GRID2: variants seen among roughly 807,000 people sequenced by gnomAD.
The protein encoded by GRID2 is glutamate receptor ionotropic, delta-2.
Under a neutral mutation model 114.8 loss-of-function variants are expected in GRID2, and 33 were observed. The observed-to-expected ratio is 0.29, with a 90% CI of 0.22 to 0.38. The LOEUF (loss-of-function observed/expected upper bound fraction) is 0.38, where lower values mean the gene tolerates loss of function less well. GRID2 is among the 10% of genes least tolerant of loss of function. The pLI is 1.00. For missense variants in GRID2, 1,184 were observed against 1,257.7 expected (o/e 0.94, Z 0.89); for synonymous variants, 505 against 449.9 (o/e 1.12, Z -1.55).
At chr4:93,368,557 AC>A (rs1305992842) in intron 8 of GRID2, among the ~76,000 whole-genome samples, 5 of 151,698 alleles carry the variant, frequency 3.3e-5, no homozygotes, top group African/African-American at 7.3e-5. Flanking sequence ...CCCCACTCCC[AC>A]CTCTCCCCAC....
intron 14 of GRID2, among the ~76,000 whole-genome samples, chr4:93,674,646 G>T (rs1199552195): frequency 6.6e-6 from 1 of 150,474 alleles, no homozygotes; most frequent in Admixed American, 6.6e-5. Flanking sequence ...AATATCATAA[G>T]GCCCAATAGG....
intron 14 of GRID2, among the ~76,000 whole-genome samples, chr4:93,723,259 A>G (rs55685186): frequency 0.022 from 3,329 of 152,364 alleles, 54 homozygotes; most frequent in Non-Finnish European, 0.036. Flanking sequence ...TCATTTAAGA[A>G]TATTAGTATT....
At chr4:93,688,437 T>A (rs1454940387) in intron 14 of GRID2, among the ~76,000 whole-genome samples, 1 of 152,012 alleles carries the variant, frequency 6.6e-6, no homozygotes, top group Non-Finnish European at 1.5e-5. Context: ...TGGATCTTTA[T>A]AATAACCTTG....
intron 13 of GRID2, among the ~76,000 whole-genome samples, chr4:93,568,774 G>A (rs1735669593): frequency 6.6e-6 from 1 of 152,126 alleles, no homozygotes; most frequent in African/African-American, 2.4e-5. Flanking sequence ...TGGGGATCTT[G>A]TTAAAATGAA....
At chr4:93,017,378 C>A (rs913751403) in intron 2 of GRID2, among the ~76,000 whole-genome samples, 1 of 152,052 alleles carries the variant, frequency 6.6e-6, no homozygotes, top group Non-Finnish European at 1.5e-5. Flanking sequence ...TCAGCCTAAC[C>A]TATATTTAAG....
intron 3 of GRID2, among the ~76,000 whole-genome samples, chr4:93,106,905 A>G (rs537855149): frequency 6.6e-6 from 1 of 152,268 alleles, no homozygotes; most frequent in Admixed American, 6.5e-5. Flanking sequence ...TACTAACAAT[A>G]AAGGAATTAC....
chr4:93,769,204 C>A lies in GRID2; in HGVS notation c.2361-6C>A. 1 of 1,613,696 alleles carries A rather than the reference C, an allele frequency of 6.2e-7. No individual in the cohort carries two copies. The highest frequency in any genetic ancestry group is 8.5e-7 in the Non-Finnish European group (1 of 1,179,690). ...AATAACACATGCTTATGTTCTTTATCCCAAGGATCCTGGAGCTTCAGCAGA... is the reference window on the plus strand; with the variant it reads ...AATAACACATGCTTATGTTCTTTATACCAAGGATCCTGGAGCTTCAGCAGA... On this transcript the variant is annotated splice_polypyrimidine_tract_variant and splice_region_variant and intron_variant, in intron 14 of 15. Transcript: ENST00000282020.
At chr4:92,736,613 C>A (rs1736610238) in intron 2 of GRID2, among the ~76,000 whole-genome samples, 1 of 152,044 alleles carries the variant, frequency 6.6e-6, no homozygotes. Flanking sequence ...TCATTAGCAA[C>A]AAACACGTAC....
chr4:93,616,862 G>GT (rs1223570646), intron 13 of GRID2, among the ~76,000 whole-genome samples: 8 of 148,892 alleles, frequency 5.4e-5, no homozygotes, highest in Non-Finnish European at 1.2e-4. Context: ...AGGCGTGGTG[G>GT]TGGGCGCCTG....
chr4:92,723,595 CA>C (rs1191369751), intron 2 of GRID2, among the ~76,000 whole-genome samples: 1 of 152,068 alleles, frequency 6.6e-6, no homozygotes, highest in Non-Finnish European at 1.5e-5. Flanking sequence ...TACTTTGAGG[CA>C]TTAGGTAGTT....
intron 8 of GRID2, among the ~76,000 whole-genome samples, chr4:93,286,896 A>C (rs1753229405): frequency 6.6e-6 from 1 of 152,130 alleles, no homozygotes; most frequent in African/African-American, 2.4e-5. Flanking sequence ...TAGGGGACTA[A>C]TATCTATATA....
intron 1 of GRID2, among the ~76,000 whole-genome samples, chr4:92,444,074 G>A (rs934481523): frequency 6.6e-6 from 1 of 152,204 alleles, no homozygotes; most frequent in African/African-American, 2.4e-5. Flanking sequence ...AAATTGGTGA[G>A]ATGTTCCTTG....
chr4:92,319,018 T>A (rs2110123229), intron 1 of GRID2, among the ~76,000 whole-genome samples: 1 of 152,282 alleles, frequency 6.6e-6, no homozygotes, highest in African/African-American at 2.4e-5. Flanking sequence ...TTGGCATATT[T>A]CGTGTTTTGA....
At chr4:92,956,316 A>G (rs1356137154) in intron 2 of GRID2, among the ~76,000 whole-genome samples, 2 of 152,178 alleles carry the variant, frequency 1.3e-5, no homozygotes, top group African/African-American at 4.8e-5. Flanking sequence ...ATTTTTAATG[A>G]CATATATGCA....
intron 1 of GRID2, among the ~76,000 whole-genome samples, chr4:92,468,233 TA>T (rs1721854084): frequency 2.6e-5 from 4 of 152,044 alleles, no homozygotes; most frequent in Admixed American, 1.3e-4. Flanking sequence ...CATTGACTAA[TA>T]CAATTCCATA....
At chr4:92,318,306 A>T (rs1270093065) in intron 1 of GRID2, among the ~76,000 whole-genome samples, 17 of 131,822 alleles carry the variant, frequency 1.3e-4, no homozygotes, top group African/African-American at 4.9e-4. Context: ...ATATATATAT[A>T]TATTTTTTTT....
At chr4:92,452,802 T>C (rs1720995758) in intron 1 of GRID2, among the ~76,000 whole-genome samples, 1 of 147,626 alleles carries the variant, frequency 6.8e-6, no homozygotes, top group African/African-American at 2.5e-5. Flanking sequence ...ATATGATACA[T>C]GTATATATAA....
chr4:93,226,062 C>T (rs572346944), intron 7 of GRID2, among the ~76,000 whole-genome samples: 47 of 152,270 alleles, frequency 3.1e-4, no homozygotes, highest in South Asian at 6.2e-4. Flanking sequence ...ATCCTTAATA[C>T]CATTGCAATA....
chr4:93,126,168 C>G (rs1298159872), intron 4 of GRID2, among the ~76,000 whole-genome samples: 2 of 152,082 alleles, frequency 1.3e-5, no homozygotes, highest in Non-Finnish European at 2.9e-5. Flanking sequence ...ATTTCACTCA[C>G]TATTATTTAA....
Sources: gnomAD v4.1 joint callset for allele counts (sites outside exome capture counted in the v4.1 genomes callset) on GRCh38, gnomAD v4.1.1 for gene constraint, MANE v1.5 for transcripts, NCBI Gene and HGNC (gene_info 2026-07-23, HGNC 2026-07-21) for gene names.